The following MCF2L variants were observed in gnomAD, a reference collection of about 807,000 sequenced individuals.
The protein encoded by MCF2L is guanine nucleotide exchange factor DBS.
Under a neutral mutation model 153.4 loss-of-function variants are expected in MCF2L, and 97 were observed. The observed-to-expected ratio is 0.63, with a 90% CI of 0.54 to 0.75. The LOEUF (loss-of-function observed/expected upper bound fraction) is 0.75. MCF2L is among the 30% of genes least tolerant of loss of function. The probability of loss-of-function intolerance (pLI) is 0.00; values close to 1 mark genes in which losing one functional copy is unlikely to be tolerated. For missense variants in MCF2L, 1,347 were observed against 1,495.2 expected (o/e 0.90, Z 1.64); for synonymous variants, 659 against 632.2 (o/e 1.04, Z -0.64).
At chr13:112,992,964 A>T (rs1594529701) in intron 1 of MCF2L, among the ~76,000 whole-genome samples, 1 of 152,262 alleles carries the variant, frequency 6.6e-6, no homozygotes, top group Non-Finnish European at 1.5e-5. Flanking sequence ...ACCCCAAAAT[A>T]CTTACAGTGG....
intron 1 of MCF2L, among the ~76,000 whole-genome samples, chr13:113,003,625 T>C (rs1443220416): frequency 6.6e-6 from 1 of 152,196 alleles, no homozygotes; most frequent in Non-Finnish European, 1.5e-5. Flanking sequence ...AGGACCACCC[T>C]GGACAAGAGG....
At chr13:113,019,975 G>A (rs1476703180) in intron 2 of MCF2L, among the ~76,000 whole-genome samples, 2 of 152,236 alleles carry the variant, frequency 1.3e-5, no homozygotes, top group South Asian at 2.1e-4. Flanking sequence ...TGTTACGGCC[G>A]CCCAGACAGA....
Position 113,085,000 on chromosome 13 carries a change from T to C in MCF2L, c.2154+16T>C. 6.2e-7 allele frequency: 1 copy of C among 1,613,416 alleles called. No homozygotes were observed. ...GTTTTTCCAGGTTTGTCCCCGGACC[T>C]TCCTTTAGAACGTTACTCCCTTTCC... On this transcript the variant is annotated intron_variant, in intron 19 of 29. Transcript: ENST00000535094.
chr13:112,997,095 T>C (rs1280794237), intron 1 of MCF2L, among the ~76,000 whole-genome samples: 1 of 152,176 alleles, frequency 6.6e-6, no homozygotes, highest in Admixed American at 6.6e-5. Flanking sequence ...GGAGGGACTC[T>C]GAGATCATCT....
chr13:112,973,545 G>A (rs1310137557), intron 1 of MCF2L, among the ~76,000 whole-genome samples: 8 of 152,202 alleles, frequency 5.3e-5, no homozygotes, highest in Admixed American at 5.2e-4. Flanking sequence ...GACCTTCTGT[G>A]ATCTGACGCC....
chr13:113,003,282 G>A (rs376054591), intron 1 of MCF2L, among the ~76,000 whole-genome samples: 1 of 151,540 alleles, frequency 6.6e-6, no homozygotes, highest in South Asian at 2.1e-4. Flanking sequence ...GGGGCACCAT[G>A]GAAGGCTTCG....
chr13:113,005,551 G>C (rs975473443), intron 1 of MCF2L, among the ~76,000 whole-genome samples: 1 of 151,660 alleles, frequency 6.6e-6, no homozygotes, highest in African/African-American at 2.4e-5. Context: ...GTTGGTTCTG[G>C]GTGGCTGTGG....
Position 112,969,550 on chromosome 13 carries a change from C to A in MCF2L, c.79+92C>A. The A allele has an allele frequency of 6.6e-7, 1 of 1,523,818 alleles. No homozygotes were observed. The highest frequency in any genetic ancestry group is 1.4e-5 in the African/African-American group (1 of 72,616). 94.4% of individuals were successfully genotyped at this position (1,523,818 alleles called of 1,614,324 possible). The stretch of plus-strand genomic sequence containing the variant: ...AAATGCGTCTGATTTTTGTAAGCCG[C>A]CCTCGTGTTCCTTTCTAGCCGTGGT... On this transcript the variant is annotated intron_variant, in intron 1 of 29. Coordinates refer to ENST00000535094, the MANE Select transcript of MCF2L (RefSeq NM_001112732.3). This position sits in a 1 kb window ranked among gnomAD's most constrained non-coding sequence, Gnocchi z 4.8.
At chr13:113,087,180 T>G in intron 21 of MCF2L, 55 bp from the exon 22 acceptor site, 1 of 1,470,276 alleles carries the variant, frequency 6.8e-7, no homozygotes, top group East Asian at 2.3e-5. Flanking sequence ...GCGATGCGCG[T>G]CCATGGCCCC....
chr13:112,911,336 C>T (rs535400661), intron 2 of MCF2L, among the ~76,000 whole-genome samples: 8 of 152,356 alleles, frequency 5.3e-5, no homozygotes, highest in Admixed American at 2.0e-4. Context: ...GCCTTGGGTC[C>T]CGGGGTCTGT....
At chr13:112,899,719 G>A (rs1045904757) in intron 1 of MCF2L, among the ~76,000 whole-genome samples, 3 of 152,172 alleles carry the variant, frequency 2.0e-5, no homozygotes, top group Non-Finnish European at 4.4e-5. Context: ...CCCCGGAGCT[G>A]ACTGGCACCT....
At chr13:113,077,272 G>C (rs1046191950) in intron 13 of MCF2L, 61 bp downstream of exon 13, 2 of 1,446,012 alleles carry the variant, frequency 1.4e-6, no homozygotes, top group African/African-American at 2.9e-5. Flanking sequence ...CCCGGGCGTT[G>C]AGAGCTTGGT....
chr13:112,909,398 CA>C lies in MCF2L; in HGVS notation c.169+7029del. On this transcript the variant is annotated intron_variant, in intron 2 of 29. Coordinates refer to the MCF2L transcript ENST00000375608. ...TGAAGCCAGGCTAAGGCGTTGATCC[CA>C]AGGGGCTGTCTGCAGGGGTTTGGGG... 6.7e-6 allele frequency: 5 copies of C among 748,226 alleles called. No homozygotes were observed. In the Admixed American group the frequency reaches 8.7e-5, roughly 13 times the overall value. 46.3% of individuals were successfully genotyped at this position (748,226 alleles called of 1,614,324 possible).
At position 113,040,437 on chromosome 13, in the gene MCF2L, T is replaced by TGTGTGTGTGTGTGTGTGTGTG. The variant is rs10528245; in HGVS notation, c.279-4834_279-4833insGTGTGTGTGTGTGTGTGTGTG. ...CTGTGTGTGTGTGTGTGTGTGTGTG[T>TGTGTGTGTGTGTGTGTGTGTG]TTCTTTTCCTGAGGACACAGCCACC... On this transcript the variant is annotated intron_variant, in intron 3 of 29. Transcript: ENST00000535094. 25 of 142,908 alleles carry TGTGTGTGTGTGTGTGTGTGTG rather than the reference T, an allele frequency of 1.7e-4. 1 individual carries two copies. Among genetic ancestry groups the TGTGTGTGTGTGTGTGTGTGTG allele is most frequent in the Admixed American group, 3.3e-4 (5 of 14,932 alleles). 8.9% of individuals were successfully genotyped at this position (142,908 alleles called of 1,614,324 possible).
intron 15 of MCF2L, 127 bp from the exon 16 acceptor site, chr13:113,081,086 G>C: frequency 1.3e-5 from 10 of 755,770 alleles, no homozygotes; most frequent in Non-Finnish European, 1.6e-5. Context: ...TGTGGGCTTT[G>C]GGTCGCCGCC....
intron 3 of MCF2L, among the ~76,000 whole-genome samples, chr13:113,026,664 G>A (rs138302223): frequency 1.3e-3 from 192 of 152,366 alleles, no homozygotes; most frequent in African/African-American, 4.0e-3. Context: ...AGCAGAGCCC[G>A]TCCACGTGGC....
At chr13:113,076,596 T>C (rs2033503264) in intron 12 of MCF2L, among the ~76,000 whole-genome samples, 1 of 152,238 alleles carries the variant, frequency 6.6e-6, no homozygotes, top group Non-Finnish European at 1.5e-5. Context: ...ATAATAGGCA[T>C]ATGAGAGAAA....
Position 113,089,739 on chromosome 13 carries a change from G to A in MCF2L, c.2953+11G>A. Reference sequence around the variant, plus strand: ...CCGAAAAGGGCAAAGGTGGGTATGTGCAGGGACCGGGCCTCACACGGAGGC... The same window carrying A: ...CCGAAAAGGGCAAAGGTGGGTATGTACAGGGACCGGGCCTCACACGGAGGC... On this transcript the variant is annotated intron_variant, in intron 26 of 29. Transcript: ENST00000535094. 1 of 1,610,848 alleles carries A rather than the reference G, an allele frequency of 6.2e-7. No individual in the cohort carries two copies.
At chr13:112,974,551 C>T (rs1393901122) in intron 1 of MCF2L, among the ~76,000 whole-genome samples, 2 of 152,202 alleles carry the variant, frequency 1.3e-5, no homozygotes, top group Non-Finnish European at 2.9e-5. Flanking sequence ...GGGAAAATCA[C>T]ATTTGTTGAT....
Sources: gnomAD v4.1 joint callset for allele counts (sites outside exome capture counted in the v4.1 genomes callset) on GRCh38, gnomAD v4.1.1 for gene constraint, Gnocchi (gnomAD v3.1) non-coding constraint, MANE v1.5 for transcripts, NCBI Gene and HGNC (gene_info 2026-07-23, HGNC 2026-07-21) for gene names.